AK1: variants seen among roughly 807,000 people sequenced by gnomAD.
AK1 encodes adenylate kinase 1.
Under a neutral mutation model 23.9 loss-of-function variants are expected in AK1, and 13 were observed. The ratio of observed to expected loss-of-function variants is 0.54; its 90% CI spans 0.35 to 0.86. The LOEUF is 0.86. Among genes scored for constraint, AK1 ranks in the 40% least tolerant of loss-of-function variants. The pLI is 0.01. For missense variants in AK1, 214 were observed against 255.1 expected, an observed-to-expected ratio of 0.84 and a Z score of 1.10; for synonymous variants, 97 against 102.8, an observed-to-expected ratio of 0.94 and a Z score of 0.34.
At position 127,868,605 on chromosome 9, in the gene AK1, C is replaced by A; in HGVS notation, c.325-93G>T. The A allele has an allele frequency of 1.4e-6, 2 of 1,396,150 alleles. No individual in the cohort carries two copies. The highest frequency in any genetic ancestry group is 2.0e-6 in the Non-Finnish European group (2 of 1,017,246). 86.5% of individuals were successfully genotyped at this position (1,396,150 alleles called of 1,614,324 possible). ...CCATCTATGAAGCCCCAGTAGATAC[C>A]CCCTCAGACCTTCAATCCCTTCCCC... On this transcript the variant is annotated intron_variant, in intron 5 of 6. Coordinates refer to ENST00000644144, the MANE Select transcript of AK1 (RefSeq NM_000476.3). The surrounding 1 kb of genome is among the most constrained non-coding windows in gnomAD (Gnocchi z 4.1).
At chr9:127,874,155 TTCTGGA>T in intron 2 of AK1, 5 of 985,270 alleles carry the variant, frequency 5.1e-6, no homozygotes, top group Non-Finnish European at 6.0e-6. Flanking sequence ...GGCGGGCCCG[TTCTGGA>T]CTCTCTGCCT....
intron 1 of AK1, chr9:127,874,956 G>A (rs1040539551): frequency 5.9e-5 from 23 of 391,962 alleles, no homozygotes. Context: ...ATGGCACCGA[G>A]GGACATAAAC....
rs941115050 is a variant in AK1, at chr9:127,877,272, C to A, written c.-33+351G>T. ...AGGTCCTCTGGGGCAGGGAGCCAGG[C>A]CACAGCTCTCCCTCTCTGGGCCCAA... On this transcript the variant is annotated intron_variant, in intron 1 of 6. Coordinates refer to ENST00000644144, the MANE Select transcript of AK1 (RefSeq NM_000476.3). This position sits in a 1 kb window ranked among gnomAD's most constrained non-coding sequence, Gnocchi z 5.2. 6.6e-6 allele frequency among the ~76,000 whole-genome samples: 1 copy of A among 151,960 alleles called. No homozygotes were observed. Among genetic ancestry groups the A allele is most frequent in the East Asian group, 1.9e-4 (1 of 5,190 alleles).
intron 1 of AK1, 64 bp from the exon 2 acceptor site, chr9:127,874,713 A>C (rs1273074078): frequency 6.6e-7 from 1 of 1,517,246 alleles, no homozygotes; most frequent in East Asian, 2.3e-5. Context: ...CCTTCCACTA[A>C]GCCACACCCA....
intron 5 of AK1, among the ~76,000 whole-genome samples, chr9:127,870,278 T>C (rs995420844): frequency 2.0e-5 from 3 of 147,902 alleles, no homozygotes; most frequent in Non-Finnish European, 4.4e-5. Flanking sequence ...CTTGGCTCAC[T>C]GCAACCTCCG....
At chr9:127,870,816 A>AATGGCGCATGGGG (rs1829380932) in intron 5 of AK1, among the ~76,000 whole-genome samples, 2 of 17,062 alleles carry the variant, frequency 1.2e-4, no homozygotes, top group African/African-American at 2.2e-4. Context: ...GGGGCATGGG[A>AATGGCGCATGGGG]ATGGGGCATG....
In AK1 at chr9:127,866,667, AC is replaced by A. The variant is rs1829255104; in HGVS notation, c.*1340del. 1 of 152,260 alleles carries A rather than the reference AC, an allele frequency of 6.6e-6. No individual in the cohort carries two copies. Among genetic ancestry groups the A allele is most frequent in the African/African-American group, 2.4e-5 (1 of 41,464 alleles). 9.4% of individuals were successfully genotyped at this position (152,260 alleles called of 1,614,324 possible). A position where few individuals can be genotyped will look rare whatever the true frequency, so the allele number is the denominator to read the frequency against. ...TTGGGCCAGATCAGGTGTTAAGGAC[AC>A]GTGAGCACCAAATTGAGCCTTTCTC... On this transcript the variant is annotated 3_prime_UTR_variant, in exon 7 of 7. Transcript: ENST00000644144.
rs779381063 is a variant in AK1, at chr9:127,871,860, G to A, written c.287C>T (p.Pro96Leu). Residue 96 changes from proline (P) to leucine (L), a missense_variant, in exon 5 of 7, where the codon CCG becomes CTG. By Grantham distance (98) the Pro-to-Leu change is moderately conservative. Transcript: ENST00000644144. This position sits in a 1 kb window ranked among gnomAD's most constrained non-coding sequence, Gnocchi z 4.4. Reference protein sequence around the residue: ...TSKGFLIDGYPREVQQGEEFE... With the variant: ...TSKGFLIDGYLREVQQGEEFE... ...CTCTTCTCCTTGCTGCACCTCCCGC[G>A]GGTAGCCATCAATCAGGAAGCCTTT... 1.1e-5 allele frequency: 17 copies of A among 1,614,028 alleles called. No homozygotes were observed. Among genetic ancestry groups the A allele is most frequent in the South Asian group, 2.2e-5 (2 of 91,078 alleles).
At chr9:127,873,781 C>T in intron 2 of AK1, 2 of 985,448 alleles carry the variant, frequency 2.0e-6, no homozygotes, top group Non-Finnish European at 2.4e-6. Flanking sequence ...CCCCACTGGG[C>T]TTTCAGGCTC....
At position 127,868,205 on chromosome 9, in the gene AK1, A is replaced by G; in HGVS notation, c.516+116T>C. Reference sequence around the variant, plus strand: ...ATTGACAGCAGCCCCTCATTGAACCAGTGGGGAAACCAAGGCCCAGAGAGA... The same window carrying G: ...ATTGACAGCAGCCCCTCATTGAACCGGTGGGGAAACCAAGGCCCAGAGAGA... On this transcript the variant is annotated intron_variant, in intron 6 of 6. Transcript: ENST00000644144. This position sits in a 1 kb window ranked among gnomAD's most constrained non-coding sequence, Gnocchi z 4.1. The G allele has an allele frequency of 1.4e-6, 2 of 1,439,940 alleles. No homozygotes were observed. The highest frequency in any genetic ancestry group is 2.4e-5 in the South Asian group (2 of 83,310). The allele number at this position is 1,439,940 out of a possible 1,614,324, so 89.2% of individuals were successfully genotyped here.
rs865962270 is a variant in AK1 at position 127,868,640 on chromosome 9, T to C, written c.325-128A>G. ...CTTCAATCCCTTCCCCAAGGCAGCC[T>C]GAAAGACCTTCCTAAAACCAATCTT... is the stretch of plus-strand genomic sequence containing the variant. On this transcript the variant is annotated intron_variant, in intron 5 of 6. Coordinates refer to ENST00000644144, the MANE Select transcript of AK1 (RefSeq NM_000476.3). The surrounding 1 kb of genome is among the most constrained non-coding windows in gnomAD (Gnocchi z 4.1). 2.7e-6 allele frequency: 3 copies of C among 1,092,016 alleles called. No individual in the cohort carries two copies. The highest frequency in any genetic ancestry group is 4.0e-6 in the Non-Finnish European group (3 of 749,476). 67.6% of individuals were successfully genotyped at this position (1,092,016 alleles called of 1,614,324 possible).
intron 2 of AK1, chr9:127,873,627 G>A (rs576790505): frequency 2.8e-5 from 39 of 1,411,694 alleles, no homozygotes; most frequent in Middle Eastern, 2.6e-4. Flanking sequence ...CAGAGAGGGC[G>A]GTGAGCTTGG....
chr9:127,868,166 C>T lies in AK1; in HGVS notation c.517-90G>A, dbSNP rs534852796. On this transcript the variant is annotated intron_variant, in intron 6 of 6. Transcript: ENST00000644144. The surrounding 1 kb of genome is among the most constrained non-coding windows in gnomAD (Gnocchi z 4.1). ...GGCCCCAGAGACCAGGCCTGCCTCC[C>T]CGAGCCCAACCTAATTGACAGCAGC... is the stretch of plus-strand genomic sequence containing the variant. 1.2e-4 allele frequency: 181 copies of T among 1,509,084 alleles called. No homozygotes were observed. The East Asian group carries it at 2.1e-3, about 18-fold the overall frequency. 93.5% of individuals were successfully genotyped at this position (1,509,084 alleles called of 1,614,324 possible).
At chr9:127,872,454 G>A (rs1829435068) in intron 4 of AK1, among the ~76,000 whole-genome samples, 1 of 152,188 alleles carries the variant, frequency 6.6e-6, no homozygotes, top group Non-Finnish European at 1.5e-5. Context: ...ACAGAGGCCA[G>A]GGTGGCTGAA....
chr9:127,868,221 C>T lies in AK1; in HGVS notation c.516+100G>A. 1 of 1,454,970 alleles carries T rather than the reference C, an allele frequency of 6.9e-7. No homozygotes were observed. Among genetic ancestry groups the T allele is most frequent in the Non-Finnish European group, 9.4e-7 (1 of 1,059,290 alleles). 90.1% of individuals were successfully genotyped at this position (1,454,970 alleles called of 1,614,324 possible). ...CATTGAACCAGTGGGGAAACCAAGG[C>T]CCAGAGAGAGGGGCTGGCCTGAGGC... On this transcript the variant is annotated intron_variant, in intron 6 of 6. Transcript: ENST00000644144. This position sits in a 1 kb window ranked among gnomAD's most constrained non-coding sequence, Gnocchi z 4.1.
chr9:127,879,066 AACACACAC>A (rs35534101), upstream of AK1, among the ~76,000 whole-genome samples: 33 of 146,012 alleles, frequency 2.3e-4, no homozygotes, highest in African/African-American at 4.8e-4. Flanking sequence ...CTAAAAATAA[AACACACAC>A]ACACACACAC....
intron 5 of AK1, among the ~76,000 whole-genome samples, chr9:127,870,517 T>A (rs533931832): frequency 0.021 from 3,266 of 152,178 alleles, 123 homozygotes; most frequent in African/African-American, 0.073. Flanking sequence ...TTAACTCTAT[T>A]TTCTAGATGT....
rs1316386882 is a variant in AK1, at chr9:127,868,840, C to T, written c.325-328G>A. ...TCCCTCTGCTAGGAGCCCTCTCCCC[C>T]GAGCCTGATCCTAACTCGCCTTCAC... On this transcript the variant is annotated intron_variant, in intron 5 of 6. Transcript: ENST00000644144. This position sits in a 1 kb window ranked among gnomAD's most constrained non-coding sequence, Gnocchi z 4.1. Among the ~76,000 whole-genome samples the T allele has an allele frequency of 1.6e-4, 24 of 152,154 alleles. No individual in the cohort carries two copies. The highest frequency in any genetic ancestry group is 1.3e-3 in the Admixed American group (20 of 15,272).
At chr9:127,876,820 C>T (rs1435947817) in intron 1 of AK1, among the ~76,000 whole-genome samples, 1 of 152,300 alleles carries the variant, frequency 6.6e-6, no homozygotes, top group African/African-American at 2.4e-5. Flanking sequence ...TATAAGGCCC[C>T]TGGGTCAAGG....
Sources: gnomAD v4.1 joint callset for allele counts (sites outside exome capture counted in the v4.1 genomes callset) on GRCh38, gnomAD v4.1.1 for gene constraint, Gnocchi (gnomAD v3.1) non-coding constraint, MANE v1.5 for transcripts, NCBI Gene and HGNC (gene_info 2026-07-23, HGNC 2026-07-21) for gene names.